TXNL4A: variants seen among roughly 807,000 people sequenced by gnomAD.
The protein encoded by TXNL4A is thioredoxin-like protein 4A.
In TXNL4A, 17 loss-of-function variants were observed where a neutral mutation model predicts 14.6. That is an observed-to-expected ratio of 1.16 (90% CI 0.80 to 1.74). The LOEUF (loss-of-function observed/expected upper bound fraction) is 1.74, where lower values mean the gene tolerates loss of function less well. Ranked by LOEUF, TXNL4A falls within the 40% of genes most tolerant of loss-of-function variation. The pLI is 0.00. For missense variants in TXNL4A, 74 were observed against 195.2 expected, an observed-to-expected ratio of 0.38 and a Z score of 3.70; for synonymous variants, 83 against 70.6, an observed-to-expected ratio of 1.18 and a Z score of -0.88.
intron 1 of TXNL4A, among the ~76,000 whole-genome samples, chr18:79,999,946 A>G (rs560321090): frequency 6.6e-6 from 1 of 152,284 alleles, no homozygotes; most frequent in South Asian, 2.1e-4. Flanking sequence ...GCTTGCTGCC[A>G]TGTAAGATAT....
chr18:79,993,240 G>C (rs1244969698), upstream of TXNL4A, among the ~76,000 whole-genome samples: 3 of 152,096 alleles, frequency 2.0e-5, no homozygotes, highest in Non-Finnish European at 4.4e-5. This position sits in a 1 kb window ranked among gnomAD's most constrained non-coding sequence, Gnocchi z 4.4. Flanking sequence ...ACAATTTGCT[G>C]AAGTCTCGGA....
chr18:79,988,121 G>T (rs1458031646), intron 1 of TXNL4A, 119 bp downstream of exon 1: 6 of 1,224,028 alleles, frequency 4.9e-6, no homozygotes, highest in Admixed American at 3.4e-5. Context: ...TCGCCTGAAC[G>T]ACGGAGCCGC....
intron 1 of TXNL4A, among the ~76,000 whole-genome samples, chr18:80,002,921 T>C (rs1003597840): frequency 1.3e-5 from 2 of 152,176 alleles, no homozygotes; most frequent in Admixed American, 1.3e-4. Flanking sequence ...GTAGACCCTC[T>C]TGAACCCTCC....
chr18:80,025,157 A>C (rs2145128725), intron 1 of TXNL4A, among the ~76,000 whole-genome samples: 1 of 152,350 alleles, frequency 6.6e-6, no homozygotes, highest in East Asian at 1.9e-4. Context: ...CAGGCACAAC[A>C]AATAAGCAAC....
At chr18:79,992,330 C>T (rs991662749), upstream of TXNL4A, among the ~76,000 whole-genome samples, 3 of 152,158 alleles carry the variant, frequency 2.0e-5, no homozygotes, top group Non-Finnish European at 4.4e-5. Flanking sequence ...GAAGCTGAGA[C>T]GCCAAAGAAA....
chr18:79,996,430 C>T (rs1235929708), intron 1 of TXNL4A, among the ~76,000 whole-genome samples: 1 of 152,150 alleles, frequency 6.6e-6, no homozygotes, highest in Non-Finnish European at 1.5e-5. Flanking sequence ...TGTTTTAAGT[C>T]TAAACCTAAA....
intron 2 of TXNL4A, among the ~76,000 whole-genome samples, chr18:79,975,535 G>C (rs967203595): frequency 3.9e-5 from 6 of 152,210 alleles, no homozygotes; most frequent in South Asian, 4.1e-4. Flanking sequence ...GCACGCTGTG[G>C]GGGGCAGAGA....
chr18:79,994,057 A>G (rs1295655331), intron 1 of TXNL4A, among the ~76,000 whole-genome samples: 1 of 152,176 alleles, frequency 6.6e-6, no homozygotes, highest in South Asian at 2.1e-4. Flanking sequence ...ATTATGGGGA[A>G]TGAGGCCTCT....
chr18:79,988,485 C>T lies in TXNL4A; in HGVS notation c.-93G>A. The T allele has an allele frequency of 8.1e-7, 1 of 1,228,892 alleles. No homozygotes were observed. The highest frequency in any genetic ancestry group is 1.0e-6 in the Non-Finnish European group (1 of 976,622). 76.1% of individuals were successfully genotyped at this position (1,228,892 alleles called of 1,614,324 possible). The stretch of plus-strand genomic sequence containing the variant: ...CGGCCCCTCACTCCCCGGCCCCCGC[C>T]GCCCCCGGGCCCACGGACGAAATCC... On this transcript the variant is annotated 5_prime_UTR_variant, in exon 1 of 3. Transcript: ENST00000269601.
intron 1 of TXNL4A, chr18:79,986,528 T>C (rs1324170872): frequency 2.1e-6 from 2 of 968,902 alleles, no homozygotes; most frequent in Admixed American, 6.2e-5. Context: ...CAGTGATTCA[T>C]TCTGTAATAA....
intron 1 of TXNL4A, among the ~76,000 whole-genome samples, chr18:80,022,867 G>T (rs1163969206): frequency 3.3e-5 from 5 of 152,172 alleles, no homozygotes; most frequent in African/African-American, 1.2e-4. Flanking sequence ...AGAGGAGGTA[G>T]TATGCAGGAC....
intron 1 of TXNL4A, among the ~76,000 whole-genome samples, chr18:80,029,526 T>C (rs1160013120): frequency 6.6e-6 from 1 of 152,126 alleles, no homozygotes; most frequent in African/African-American, 2.4e-5. Context: ...CTGTGGTGAG[T>C]CCCAGGTGAA....
intron 1 of TXNL4A, among the ~76,000 whole-genome samples, chr18:80,005,770 C>A (rs963064326): frequency 4.6e-5 from 7 of 152,066 alleles, no homozygotes; most frequent in Admixed American, 2.0e-4. Flanking sequence ...CAAGAATTAG[C>A]CAGCATGATG....
chr18:80,031,794 T>C (rs1047888479), intron 1 of TXNL4A, among the ~76,000 whole-genome samples: 1 of 152,208 alleles, frequency 6.6e-6, no homozygotes, highest in Non-Finnish European at 1.5e-5. Context: ...ATGAAGAACA[T>C]AACCCGGCTT....
At chr18:80,005,478 GAT>G (rs2051723794) in intron 1 of TXNL4A, among the ~76,000 whole-genome samples, 1 of 152,160 alleles carries the variant, frequency 6.6e-6, no homozygotes, top group African/African-American at 2.4e-5. Context: ...TTTATTTTAG[GAT>G]ATGTTTTTCA....
At chr18:80,000,254 G>T (rs2051690307) in intron 1 of TXNL4A, among the ~76,000 whole-genome samples, 1 of 152,206 alleles carries the variant, frequency 6.6e-6, no homozygotes, top group Non-Finnish European at 1.5e-5. Flanking sequence ...TTGTTGAATG[G>T]ATTTGACCAA....
chr18:79,997,395 C>CA (rs145124746), intron 1 of TXNL4A, among the ~76,000 whole-genome samples: 37,119 of 148,386 alleles, frequency 0.25, 5,779 homozygotes, highest in Non-Finnish European at 0.36. Flanking sequence ...AAAACAAAAA[C>CA]AAAAAAAAAC....
At chr18:80,031,560 C>A (rs1009529699) in intron 1 of TXNL4A, among the ~76,000 whole-genome samples, 1 of 152,174 alleles carries the variant, frequency 6.6e-6, no homozygotes, top group African/African-American at 2.4e-5. Flanking sequence ...AATCTTTGTA[C>A]CACAGATAGC....
chr18:80,002,430 G>A (rs2051703986), intron 1 of TXNL4A, among the ~76,000 whole-genome samples: 1 of 152,138 alleles, frequency 6.6e-6, no homozygotes, highest in South Asian at 2.1e-4. Context: ...GTAAGGATGT[G>A]AGTAAAATGC....
Sources: allele counts gnomAD v4.1 joint callset (sites outside exome capture counted in the v4.1 genomes callset), GRCh38; gene constraint gnomAD v4.1.1; non-coding constraint Gnocchi (gnomAD v3.1); transcripts MANE v1.5; gene names NCBI Gene and HGNC (gene_info 2026-07-23, HGNC 2026-07-21).